The following ANK1 variants were observed in gnomAD, a reference collection of about 807,000 sequenced individuals.
ANK1 encodes ankyrin-1.
In ANK1, 51 loss-of-function variants were observed where a neutral mutation model predicts 210.4. The observed-to-expected ratio is 0.24, with a 90% confidence interval of 0.19 to 0.31. The LOEUF is 0.31. Among genes scored for constraint, ANK1 ranks in the 10% least tolerant of loss-of-function variants. ANK1 has a pLI of 1.00. For missense variants in ANK1, 2,051 were observed against 2,504.4 expected, an observed-to-expected ratio of 0.82 and a Z score of 3.86; for synonymous variants, 967 against 1,025.9, an observed-to-expected ratio of 0.94 and a Z score of 1.10.
intron 9 of ANK1, among the ~76,000 whole-genome samples, chr8:41,722,098 CAA>C (rs1829422826): frequency 3.3e-5 from 5 of 152,150 alleles, no homozygotes; most frequent in African/African-American, 1.2e-4. Flanking sequence ...ATGGTCATCC[CAA>C]TAATCCTAGG....
intron 2 of ANK1, among the ~76,000 whole-genome samples, chr8:41,743,298 A>C (rs939140408): frequency 3.3e-5 from 5 of 152,238 alleles, no homozygotes; most frequent in African/African-American, 1.2e-4. Context: ...ATGGAGCCAC[A>C]GGAGGCAGAG....
chr8:41,678,538 G>C (rs745806867), intron 37 of ANK1, among the ~76,000 whole-genome samples: 4 of 152,140 alleles, frequency 2.6e-5, no homozygotes, highest in Non-Finnish European at 4.4e-5. Context: ...CTCACTTTGT[G>C]TTTCTCCAAA....
chr8:41,690,755 G>T (rs1819060692), intron 31 of ANK1, among the ~76,000 whole-genome samples, 156 bp from the exon 32 acceptor site: 1 of 152,198 alleles, frequency 6.6e-6, no homozygotes, highest in Non-Finnish European at 1.5e-5. Context: ...TTTGGGAAAG[G>T]CTTTATTTCC....
chr8:41,859,236 T>C (rs997110216), intron 1 of ANK1, among the ~76,000 whole-genome samples: 1 of 152,258 alleles, frequency 6.6e-6, no homozygotes, highest in Admixed American at 6.5e-5. Flanking sequence ...GGGAGGACGA[T>C]GGGGCCAACG....
Position 41,672,500 on chromosome 8 carries a change from C to A in ANK1, c.4950G>T (p.Leu1650=), listed in dbSNP as rs1259236695. The A allele has an allele frequency of 6.2e-7, 1 of 1,614,248 alleles. No individual in the cohort carries two copies. The highest frequency in any genetic ancestry group is 1.1e-5 in the South Asian group (1 of 91,086). ...QEEGQRSEEK[L]PGSKRQDDAT... ...CGTCATCCTGCCTCTTAGAACCTGG[C>A]AGCTTCTCTTCTGACCTCTGACCTT... The change falls in exon 38 of 43, where the codon CTG becomes CTT. Residue 1650 remains leucine (L), a synonymous_variant. Coordinates refer to ENST00000289734, the MANE Select transcript of ANK1 (RefSeq NM_000037.4).
chr8:41,822,315 A>G (rs529058435), intron 1 of ANK1, among the ~76,000 whole-genome samples: 12 of 152,308 alleles, frequency 7.9e-5, no homozygotes, highest in African/African-American at 2.9e-4. Flanking sequence ...AAGCTCACTC[A>G]GCCCAGGATT....
chr8:41,846,760 A>T (rs1180066721), intron 1 of ANK1, among the ~76,000 whole-genome samples: 1 of 152,102 alleles, frequency 6.6e-6, no homozygotes, highest in Non-Finnish European at 1.5e-5. Context: ...GCTGGAGGAT[A>T]CCCTACGGCC....
chr8:41,672,613 G>A lies in ANK1; in HGVS notation c.4837C>T (p.Pro1613Ser), dbSNP rs1470124100. ...ACAAGTTCCAGAGAGCCCAACTCGG[G>A]GCCCCGCGGTTCCTCTGAGAGTGCC... ...EGALSEEPRG[P>S]ELGSLELVED... The change falls in exon 38 of 43, where the codon CCC becomes TCC. Residue 1613 changes from proline (P) to serine (S), a missense_variant. Pro to Ser is a moderately conservative substitution (Grantham distance 74). Coordinates refer to ENST00000289734, the MANE Select transcript of ANK1 (RefSeq NM_000037.4). The A allele has an allele frequency of 1.2e-6, 2 of 1,614,084 alleles. No homozygotes were observed. The highest frequency in any genetic ancestry group is 1.3e-5 in the African/African-American group (1 of 74,922).
intron 1 of ANK1, among the ~76,000 whole-genome samples, chr8:41,769,214 T>C (rs529332587): frequency 1.3e-5 from 2 of 152,232 alleles, no homozygotes; most frequent in East Asian, 3.9e-4. Flanking sequence ...AGGCATAAGA[T>C]CCTCCACAGC....
chr8:41,700,741 T>C lies in ANK1; in HGVS notation c.2461+809A>G, dbSNP rs79043482. ...AATACTAGAAGCATTCTGTAGTTCATACAAGCTGATACTATAGTAATTTCT... is the reference window on the plus strand; with the variant it reads ...AATACTAGAAGCATTCTGTAGTTCACACAAGCTGATACTATAGTAATTTCT... On this transcript the variant is annotated intron_variant, in intron 22 of 42. Coordinates refer to ENST00000289734, the MANE Select transcript of ANK1 (RefSeq NM_000037.4). 8.9e-3 allele frequency among the ~76,000 whole-genome samples: 1,350 copies of C among 152,306 alleles called. 29 individuals are homozygous for C. The highest frequency in any genetic ancestry group is 0.031 in the African/African-American group (1,287 of 41,558).
chr8:41,767,303 C>G (rs1421363182), intron 1 of ANK1, among the ~76,000 whole-genome samples: 2 of 151,494 alleles, frequency 1.3e-5, no homozygotes, highest in African/African-American at 4.8e-5. Context: ...CCCCGCGCCC[C>G]GGCCCCGGCC....
At chr8:41,750,351 G>C (rs1384681274) in intron 2 of ANK1, among the ~76,000 whole-genome samples, 2 of 152,152 alleles carry the variant, frequency 1.3e-5, no homozygotes, top group Admixed American at 6.5e-5. Context: ...TCAGATGGTC[G>C]AGCTTCTGGA....
At chr8:41,865,331 C>T (rs1814188970) in intron 1 of ANK1, among the ~76,000 whole-genome samples, 1 of 152,190 alleles carries the variant, frequency 6.6e-6, no homozygotes, top group Non-Finnish European at 1.5e-5. Context: ...GTCCGGCTCC[C>T]ACAGGAGACT....
chr8:41,673,013 C>T (rs113632029), intron 37 of ANK1, 101 bp from the exon 38 acceptor site: 9 of 1,267,658 alleles, frequency 7.1e-6, no homozygotes, highest in African/African-American at 4.4e-5. Context: ...CATGCGGGTG[C>T]GGCCACAGAG....
intron 33 of ANK1, 119 bp from the exon 34 acceptor site, chr8:41,688,708 A>G: frequency 2.3e-6 from 2 of 861,324 alleles, no homozygotes; most frequent in East Asian, 2.6e-5. Flanking sequence ...GTAAACAATC[A>G]GTCCGTTTCT....
rs181221325 is a variant in ANK1, at chr8:41,879,012, C to T, written c.126+17343G>A. Reference sequence around the variant, plus strand: ...CTGGGAGGTGGAAGTTGCAGTGAGCCGAGATTGCGCCACTGCACTCCAGCC... The same window carrying T: ...CTGGGAGGTGGAAGTTGCAGTGAGCTGAGATTGCGCCACTGCACTCCAGCC... On this transcript the variant is annotated intron_variant, in intron 1 of 42. Transcript: ENST00000265709. 9.9e-5 allele frequency among the ~76,000 whole-genome samples: 15 copies of T among 152,020 alleles called. No homozygotes were observed. The South Asian group carries it at 1.7e-3, about 17-fold the overall frequency.
At chr8:41,680,082 C>T (rs1188414982) in intron 37 of ANK1, among the ~76,000 whole-genome samples, 2 of 152,178 alleles carry the variant, frequency 1.3e-5, no homozygotes, top group African/African-American at 4.8e-5. Flanking sequence ...CACATCGCAC[C>T]TGACACAGCT....
rs935595375 is a variant in ANK1 at position 41,872,825 on chromosome 8, C to T, written c.126+23530G>A. On this transcript the variant is annotated intron_variant, in intron 1 of 42. Transcript: ENST00000265709. ...GGTCTGCTGGGGACCCTTCCAACCA[C>T]ACCCAAAGCCTCAGAGCACAGCCGC... is the stretch of plus-strand genomic sequence containing the variant. Among the ~76,000 whole-genome samples the T allele has an allele frequency of 4.6e-5, 7 of 152,384 alleles. No homozygotes were observed. The South Asian group carries it at 1.4e-3, about 32-fold the overall frequency.
At position 41,655,611 on chromosome 8, in the gene ANK1, G is replaced by C; in HGVS notation, c.*179C>G. ...ACAGTCAGTCATTCATGCCAAGAGG[G>C]GACTAGCAGGAGTCCCTTACAGAGG... On this transcript the variant is annotated 3_prime_UTR_variant, in exon 43 of 43. Transcript: ENST00000289734. 5 of 1,267,108 alleles carry C rather than the reference G, an allele frequency of 3.9e-6. No homozygotes were observed. The highest frequency in any genetic ancestry group is 3.6e-5 in the Admixed American group (2 of 55,336). 78.5% of individuals were successfully genotyped at this position (1,267,108 alleles called of 1,614,324 possible).
Sources: allele counts gnomAD v4.1 joint callset (sites outside exome capture counted in the v4.1 genomes callset), GRCh38; gene constraint gnomAD v4.1.1; transcripts MANE v1.5; gene names NCBI Gene and HGNC (gene_info 2026-07-23, HGNC 2026-07-21).